The following DOK6 variants were observed in gnomAD, a reference collection of about 807,000 sequenced individuals.
DOK6 encodes the protein docking protein 6.
A neutral mutation model predicts 44.0 loss-of-function variants in DOK6; 22 were observed. That is an observed-to-expected ratio of 0.50 (90% CI 0.36 to 0.71). The LOEUF is 0.71. Among genes scored for constraint, DOK6 ranks in the 30% least tolerant of loss-of-function variants. DOK6 has a pLI of 0.00. For missense variants in DOK6, 340 were observed against 416.4 expected (o/e 0.82, Z 1.60); for synonymous variants, 166 against 145.5 (o/e 1.14, Z -1.01).
At chr18:69,646,226 C>A (rs188394102) in intron 3 of DOK6, among the ~76,000 whole-genome samples, 3 of 152,152 alleles carry the variant, frequency 2.0e-5, no homozygotes, top group Admixed American at 2.0e-4. Context: ...GTTTTTTCTT[C>A]TTCAGGGATT....
In DOK6 at chr18:69,651,807, CT is replaced by C. The variant is rs530870715; in HGVS notation, c.290-25923del. On this transcript the variant is annotated intron_variant, in intron 3 of 7. Coordinates refer to ENST00000382713, the MANE Select transcript of DOK6 (RefSeq NM_152721.6). ...CAGCCCCATCAGCCCCCTTTAATCT[CT>C]TTTCTGCACTATCTCCTTGCAAAGC... Among the ~76,000 whole-genome samples, 4 of 152,154 alleles carry C rather than the reference CT, an allele frequency of 2.6e-5. No individual in the cohort carries two copies. In the South Asian group the frequency reaches 8.3e-4, roughly 32 times the overall value.
chr18:69,566,110 G>A (rs1007673822), intron 2 of DOK6, among the ~76,000 whole-genome samples: 2 of 131,690 alleles, frequency 1.5e-5, no homozygotes, highest in African/African-American at 5.3e-5. Flanking sequence ...AGTACAGCTC[G>A]GTTTATTTAT....
At chr18:69,550,168 C>CAT in intron 1 of DOK6, among the ~76,000 whole-genome samples, 2 of 143,212 alleles carry the variant, frequency 1.4e-5, no homozygotes, top group Admixed American at 6.9e-5. Context: ...TTTTAAAATT[C>CAT]AACCTCTTCT....
intron 1 of DOK6, among the ~76,000 whole-genome samples, chr18:69,495,752 G>A (rs754913522): frequency 1.3e-5 from 2 of 152,110 alleles, no homozygotes; most frequent in Non-Finnish European, 2.9e-5. Context: ...GGCTGTTCAC[G>A]CCAAGAGGAG....
intron 2 of DOK6, among the ~76,000 whole-genome samples, chr18:69,595,448 G>A (rs1983719108): frequency 6.6e-6 from 1 of 152,150 alleles, no homozygotes; most frequent in South Asian, 2.1e-4. Flanking sequence ...TGGATGATCT[G>A]CCACTGAGGG....
chr18:69,615,926 T>A (rs1166903331), intron 3 of DOK6, among the ~76,000 whole-genome samples: 1 of 152,180 alleles, frequency 6.6e-6, no homozygotes, highest in African/African-American at 2.4e-5. Context: ...GTGTGGCTAA[T>A]GCATTTTTTC....
intron 5 of DOK6, among the ~76,000 whole-genome samples, chr18:69,699,484 A>C (rs965683332): frequency 6.6e-6 from 1 of 152,140 alleles, no homozygotes; most frequent in Non-Finnish European, 1.5e-5. Context: ...GAAAAAACAA[A>C]CAAAAAACCT....
At chr18:69,496,681 A>G (rs1359761666) in intron 1 of DOK6, among the ~76,000 whole-genome samples, 1 of 152,176 alleles carries the variant, frequency 6.6e-6, no homozygotes, top group Non-Finnish European at 1.5e-5. Flanking sequence ...AATCCTCTCC[A>G]TAATGGGTAG....
intron 3 of DOK6, among the ~76,000 whole-genome samples, chr18:69,627,691 C>A (rs1444574611): frequency 1.3e-5 from 2 of 152,190 alleles, no homozygotes; most frequent in East Asian, 3.9e-4. Context: ...CCTTGTGATC[C>A]GCCCGCCTCG....
intron 1 of DOK6, among the ~76,000 whole-genome samples, chr18:69,463,243 C>A (rs1322442151): frequency 6.6e-6 from 1 of 152,058 alleles, no homozygotes; most frequent in South Asian, 2.1e-4. Flanking sequence ...GAAGGTTCTG[C>A]CCTCTGTACC....
intron 7 of DOK6, among the ~76,000 whole-genome samples, chr18:69,822,648 G>A (rs7227328): frequency 2.0e-5 from 3 of 152,094 alleles, no homozygotes; most frequent in East Asian, 1.9e-4. Context: ...CTTTGCAGGC[G>A]TATGTTTCTT....
intron 3 of DOK6, among the ~76,000 whole-genome samples, chr18:69,619,310 C>T (rs1423401837): frequency 6.6e-6 from 1 of 152,162 alleles, no homozygotes; most frequent in East Asian, 1.9e-4. Flanking sequence ...AAAACAAATC[C>T]AAATGCCAGC....
chr18:69,422,708 A>G (rs1568252527), intron 1 of DOK6, among the ~76,000 whole-genome samples: 1 of 152,092 alleles, frequency 6.6e-6, no homozygotes, highest in Admixed American at 6.6e-5. Flanking sequence ...TGACTTTCTA[A>G]TGGTTCTTTT....
chr18:69,466,187 C>T (rs77701466), intron 1 of DOK6, among the ~76,000 whole-genome samples: 10,420 of 152,236 alleles, frequency 0.068, 376 homozygotes, highest in Middle Eastern at 0.13. Context: ...TCCCTCCAGC[C>T]CTTGGCAACC....
intron 3 of DOK6, among the ~76,000 whole-genome samples, chr18:69,624,729 C>A (rs930869488): frequency 5.9e-5 from 9 of 151,996 alleles, no homozygotes; most frequent in Admixed American, 3.9e-4. Flanking sequence ...TTTTTATTTA[C>A]TATTCAATTT....
intron 1 of DOK6, among the ~76,000 whole-genome samples, chr18:69,534,942 G>A (rs984145991): frequency 1.3e-5 from 2 of 151,994 alleles, no homozygotes; most frequent in Admixed American, 6.6e-5. Flanking sequence ...CTGTGATATT[G>A]TCTGGTTAAC....
intron 2 of DOK6, among the ~76,000 whole-genome samples, chr18:69,566,391 C>T (rs955762634): frequency 6.6e-6 from 1 of 152,280 alleles, no homozygotes; most frequent in African/African-American, 2.4e-5. Flanking sequence ...CCGCCTCGGC[C>T]TCCCAAAGTG....
intron 1 of DOK6, among the ~76,000 whole-genome samples, chr18:69,484,366 T>C (rs896384932): frequency 6.6e-6 from 1 of 152,168 alleles, no homozygotes; most frequent in Non-Finnish European, 1.5e-5. Flanking sequence ...AGATACTCAG[T>C]TGATTTATTT....
At chr18:69,585,807 C>G (rs1475597139) in intron 2 of DOK6, among the ~76,000 whole-genome samples, 1 of 152,206 alleles carries the variant, frequency 6.6e-6, no homozygotes, top group African/African-American at 2.4e-5. Context: ...ACAATGTCAT[C>G]ACATGCAAGC....
Sources: gnomAD v4.1 joint callset for allele counts (sites outside exome capture counted in the v4.1 genomes callset) on GRCh38, gnomAD v4.1.1 for gene constraint, MANE v1.5 for transcripts, NCBI Gene and HGNC (gene_info 2026-07-23, HGNC 2026-07-21) for gene names.